The following TM9SF4 variants were observed in gnomAD, a reference collection of about 807,000 sequenced individuals.
The protein encoded by TM9SF4 is dinucleotide oxidase disulfide thiol exchanger 3 superfamily member 4.
In TM9SF4, 26 loss-of-function variants were observed where a neutral mutation model predicts 90.4. The ratio of observed to expected loss-of-function variants is 0.29; its 90% CI spans 0.21 to 0.40. TM9SF4 has a LOEUF of 0.40. TM9SF4 is among the 10% of genes least tolerant of loss of function. The pLI is 1.00. For missense variants in TM9SF4, 549 were observed against 834.8 expected (o/e 0.66, Z 4.22); for synonymous variants, 293 against 315.4 (o/e 0.93, Z 0.75).
Position 32,141,629 on chromosome 20 carries a change from T to C in TM9SF4, c.362T>C (p.Val121Ala), listed in dbSNP as rs2046680866. 1.2e-6 allele frequency: 2 copies of C among 1,614,154 alleles called. No homozygotes were observed. Among genetic ancestry groups the C allele is most frequent in the African/African-American group, 1.3e-5 (1 of 75,036 alleles). The change falls in exon 4 of 18, where the codon GTG becomes GCG. Residue 121 changes from valine (V) to alanine (A), a missense_variant. This residue lies in a region of TM9SF4 where 495 missense variants were observed against 711.7 expected (regional missense o/e 0.70). Transcript: ENST00000398022. ...CTGACAGTGGAGCAGAGCCGACTCG[T>C]GGCCGAGCGGATCACAGAAGACTAC... ...VTLTVEQSRL[V>A]AERITEDYYV...
intron 8 of TM9SF4, among the ~76,000 whole-genome samples, 174 bp downstream of exon 8, chr20:32,145,597 AGAGAGCTCTAGAACTCTG>A (rs1416459078): frequency 6.6e-6 from 1 of 152,204 alleles, no homozygotes. Flanking sequence ...ACTCATCTCT[AGAGAGCTCTAGAACTCTG>A]GAGAGCTCAT....
chr20:32,158,491 A>T lies in TM9SF4; in HGVS notation c.1546A>T (p.Ile516Phe). The T allele has an allele frequency of 6.2e-7, 1 of 1,614,116 alleles. No individual in the cohort carries two copies. The highest frequency in any genetic ancestry group is 8.5e-7 in the Non-Finnish European group (1 of 1,180,018). Residue 516 changes from isoleucine to phenylalanine, a missense_variant, in exon 15 of 18, where the codon ATC becomes TTC. Coordinates refer to ENST00000398022, the MANE Select transcript of TM9SF4 (RefSeq NM_014742.4). The part of the protein sequence containing the change: ...AGILPFGAMF[I>F]ELFFIFSAIW... ...GATCTTGCCCTTCGGCGCCATGTTC[A>T]TCGAGCTCTTCTTCATCTTCAGTGT...
At chr20:32,152,059 A>AT (rs1172218699) in intron 12 of TM9SF4, among the ~76,000 whole-genome samples, 1 of 149,522 alleles carries the variant, frequency 6.7e-6, no homozygotes, top group Non-Finnish European at 1.5e-5. Context: ...TTTAGTAGAG[A>AT]TGGGGTTTCA....
In TM9SF4 at chr20:32,166,066, C is replaced by G. The variant is rs532812097; in HGVS notation, c.*622C>G. ...CAAGGCAGGGTTTCCAGCCAGGCCTCGGGGTCATCTTTTCACCAGGAGCAA... is the reference window on the plus strand; with the variant it reads ...CAAGGCAGGGTTTCCAGCCAGGCCTGGGGGTCATCTTTTCACCAGGAGCAA... On this transcript the variant is annotated 3_prime_UTR_variant, in exon 18 of 18. Transcript: ENST00000398022. 3.3e-5 allele frequency: 5 copies of G among 153,044 alleles called. No individual in the cohort carries two copies. The East Asian group carries it at 9.6e-4, about 29-fold the overall frequency. 9.5% of individuals were successfully genotyped at this position (153,044 alleles called of 1,614,324 possible).
intron 1 of TM9SF4, among the ~76,000 whole-genome samples, chr20:32,132,801 T>A (rs1401669305): frequency 6.6e-6 from 1 of 152,196 alleles, no homozygotes; most frequent in Non-Finnish European, 1.5e-5. Flanking sequence ...TGTTAATTAC[T>A]TTGTGGCTAA....
At chr20:32,123,098 C>T (rs1451899043) in intron 1 of TM9SF4, among the ~76,000 whole-genome samples, 2 of 144,510 alleles carry the variant, frequency 1.4e-5, no homozygotes, top group Admixed American at 1.4e-4. Context: ...AGGGAGGTTG[C>T]AGTGAGCCGA....
intron 7 of TM9SF4, 23 bp downstream of exon 7, chr20:32,145,232 G>C: frequency 6.2e-7 from 1 of 1,613,732 alleles, no homozygotes; most frequent in South Asian, 1.1e-5. Flanking sequence ...TGGAGCTCAT[G>C]GGCAGGGGAG....
chr20:32,144,874 T>C (rs188804051), intron 6 of TM9SF4, among the ~76,000 whole-genome samples: 25 of 152,232 alleles, frequency 1.6e-4, no homozygotes, highest in African/African-American at 5.3e-4. Flanking sequence ...GATTGTGCCA[T>C]TGTCTGCGTG....
At chr20:32,137,626 A>G (rs1204821419) in intron 3 of TM9SF4, among the ~76,000 whole-genome samples, 8 of 152,180 alleles carry the variant, frequency 5.3e-5, no homozygotes, top group African/African-American at 1.4e-4. Context: ...AGTGCCTGAC[A>G]CATAGTAGGC....
chr20:32,163,839 G>C (rs1273324418), intron 17 of TM9SF4, among the ~76,000 whole-genome samples: 1 of 152,036 alleles, frequency 6.6e-6, no homozygotes, highest in African/African-American at 2.4e-5. Flanking sequence ...TTGAACTCCT[G>C]ACCTCATGTG....
chr20:32,121,529 A>C (rs1235396938), intron 1 of TM9SF4, among the ~76,000 whole-genome samples: 1 of 151,892 alleles, frequency 6.6e-6, no homozygotes, highest in East Asian at 1.9e-4. Context: ...GTAAGGTCAC[A>C]GATCAACAGG....
intron 5 of TM9SF4, among the ~76,000 whole-genome samples, chr20:32,142,462 C>T (rs1265920338): frequency 2.0e-5 from 3 of 152,212 alleles, no homozygotes; most frequent in South Asian, 4.1e-4. Context: ...CAGCCCCTGT[C>T]CCCAAAGGGC....
At chr20:32,140,200 A>G (rs2046651896) in intron 3 of TM9SF4, among the ~76,000 whole-genome samples, 1 of 152,240 alleles carries the variant, frequency 6.6e-6, no homozygotes, top group African/African-American at 2.4e-5. Flanking sequence ...ATTAGTCTTC[A>G]TCTTGTCCAT....
At chr20:32,132,946 T>C (rs1242427687) in intron 1 of TM9SF4, 67 bp from the exon 2 acceptor site, 1 of 1,436,316 alleles carries the variant, frequency 7.0e-7, no homozygotes, top group African/African-American at 1.4e-5. Flanking sequence ...TGGTATGACT[T>C]GATCTGCCTC....
In TM9SF4 at chr20:32,136,067, C is replaced by G. The variant is rs768021472; in HGVS notation, c.130-7C>G. ...GGTCATCTTGGTTTCTGCTGGATTC[C>G]CATCAGGCTGTGAAGCTCACCAGCT... On this transcript the variant is annotated splice_polypyrimidine_tract_variant and splice_region_variant and intron_variant, in intron 2 of 17. Coordinates refer to ENST00000398022, the MANE Select transcript of TM9SF4 (RefSeq NM_014742.4). 8.7e-6 allele frequency: 14 copies of G among 1,613,576 alleles called. No individual in the cohort carries two copies. Among genetic ancestry groups the G allele is most frequent in the Non-Finnish European group, 1.2e-5 (14 of 1,179,716 alleles).
At chr20:32,139,222 C>T (rs565793534) in intron 3 of TM9SF4, among the ~76,000 whole-genome samples, 16 of 152,340 alleles carry the variant, frequency 1.1e-4, no homozygotes, top group African/African-American at 3.6e-4. Flanking sequence ...ATCTGTGGGC[C>T]GATAACCCCC....
chr20:32,142,030 G>T, intron 5 of TM9SF4, 135 bp downstream of exon 5: 1 of 1,431,814 alleles, frequency 7.0e-7, no homozygotes, highest in African/African-American at 1.4e-5. Flanking sequence ...TCTGTCAGAG[G>T]TCCGAGTGCT....
chr20:32,139,979 T>C (rs971536094), intron 3 of TM9SF4, among the ~76,000 whole-genome samples: 1 of 152,260 alleles, frequency 6.6e-6, no homozygotes, highest in Non-Finnish European at 1.5e-5. Flanking sequence ...CTCATTTTGC[T>C]GATTATTCAG....
intron 13 of TM9SF4, among the ~76,000 whole-genome samples, chr20:32,156,748 C>G (rs2046927552): frequency 6.6e-6 from 1 of 151,436 alleles, no homozygotes; most frequent in Non-Finnish European, 1.5e-5. Flanking sequence ...GCTGGGACTA[C>G]AGGTGTCACC....
Sources: gnomAD v4.1 joint callset for allele counts (sites outside exome capture counted in the v4.1 genomes callset) on GRCh38, gnomAD v4.1.1 for gene constraint, gnomAD v4.1.1 regional missense constraint, MANE v1.5 for transcripts, NCBI Gene and HGNC (gene_info 2026-07-23, HGNC 2026-07-21) for gene names.